The following ZNF740 variants were observed in gnomAD, a reference collection of about 807,000 sequenced individuals.
ZNF740 encodes oriLyt TD-element-binding protein 7.
A neutral mutation model predicts 24.8 loss-of-function variants in ZNF740; 14 were observed. That is an observed-to-expected ratio of 0.56 (90% CI 0.37 to 0.88). The LOEUF is 0.88. Among genes scored for constraint, ZNF740 ranks in the 40% least tolerant of loss-of-function variants. The pLI is 0.00. For missense variants in ZNF740, 201 were observed against 247.9 expected (o/e 0.81, Z 1.27); for synonymous variants, 69 against 84.0 (o/e 0.82, Z 0.98).
intron 6 of ZNF740, among the ~76,000 whole-genome samples, chr12:53,187,159 T>C (rs1383734954): frequency 6.6e-6 from 1 of 152,256 alleles, no homozygotes; most frequent in East Asian, 1.9e-4. Flanking sequence ...CTACTCTGTA[T>C]CTGCCTTGAG....
rs1276565855 is a variant in ZNF740, at chr12:53,190,297, T to G, written c.*2707T>G. On this transcript the variant is annotated 3_prime_UTR_variant, in exon 7 of 7. Coordinates refer to ENST00000416904, the MANE Select transcript of ZNF740 (RefSeq NM_001004304.4). The stretch of plus-strand genomic sequence containing the variant: ...CCTGGGCCCAATGCCCGACCCCTGC[T>G]GGCCAGCATGGGGCCTAGCACTGGA... 2 of 152,710 alleles carry G rather than the reference T, an allele frequency of 1.3e-5. No homozygotes were observed. The highest frequency in any genetic ancestry group is 1.3e-4 in the Admixed American group (2 of 15,288). The allele number at this position is 152,710 out of a possible 1,614,324, so 9.5% of individuals were successfully genotyped here.
chr12:53,181,584 G>A, intron 1 of ZNF740, 93 bp from the exon 2 acceptor site: 2 of 882,612 alleles, frequency 2.3e-6, no homozygotes, highest in South Asian at 4.3e-5. Flanking sequence ...GAGCTTCACA[G>A]AGAGCGCCCA....
chr12:53,181,652 C>A, intron 1 of ZNF740, 25 bp from the exon 2 acceptor site: 1 of 416,470 alleles, frequency 2.4e-6, no homozygotes, highest in South Asian at 4.7e-5. Context: ...CATTTAGCAG[C>A]CCCCCTCTTC....
rs765227255 is a variant in ZNF740, at chr12:53,194,216, G to A, written c.*6626G>A. 4.6e-5 allele frequency: 75 copies of A among 1,613,854 alleles called. No homozygotes were observed. Among genetic ancestry groups the A allele is most frequent in the East Asian group, 2.5e-4 (11 of 44,880 alleles). ...CTCTCACCGTCTGGTTGATTCGGAC[G>A]TGGTTGCACTGTCCTCGATCCTCAG... On this transcript the variant is annotated 3_prime_UTR_variant, in exon 7 of 7. Transcript: ENST00000416904.
Position 53,191,792 on chromosome 12 carries a change from A to G in ZNF740, c.*4202A>G. On this transcript the variant is annotated 3_prime_UTR_variant, in exon 7 of 7. Transcript: ENST00000416904. ...CCAGGGGCTGGGGGAACCCAGTGGG[A>G]GGAATCAGGGCTGGTCTTGTGGTGG... 1.3e-6 allele frequency: 2 copies of G among 1,598,772 alleles called. No homozygotes were observed. Among genetic ancestry groups the G allele is most frequent in the Non-Finnish European group, 1.7e-6 (2 of 1,167,316 alleles).
chr12:53,191,439 G>A lies in ZNF740; in HGVS notation c.*3849G>A, dbSNP rs937970313. The A allele has an allele frequency of 2.2e-5, 18 of 814,246 alleles. No individual in the cohort carries two copies. The highest frequency in any genetic ancestry group is 1.7e-4 in the African/African-American group (10 of 59,550). 50.4% of individuals were successfully genotyped at this position (814,246 alleles called of 1,614,324 possible). A position where few individuals can be genotyped will look rare whatever the true frequency, so the allele number is the denominator to read the frequency against. ...CTGAAAATGAAGTAGGGTGGTGGCCGCACCTCGCCAGTGAATTAGTCCCCT... is the reference window on the plus strand; with the variant it reads ...CTGAAAATGAAGTAGGGTGGTGGCCACACCTCGCCAGTGAATTAGTCCCCT... On this transcript the variant is annotated 3_prime_UTR_variant, in exon 7 of 7. Transcript: ENST00000416904.
chr12:53,192,702 G>C lies in ZNF740; in HGVS notation c.*5112G>C, dbSNP rs772615225. 1 of 1,613,754 alleles carries C rather than the reference G, an allele frequency of 6.2e-7. No individual in the cohort carries two copies. The highest frequency in any genetic ancestry group is 2.2e-5 in the East Asian group (1 of 44,858). On this transcript the variant is annotated 3_prime_UTR_variant, in exon 7 of 7. Transcript: ENST00000416904. The stretch of plus-strand genomic sequence containing the variant: ...ACCTGAGGCCTCACCGGTGTCTCTC[G>C]CATGGTGTCTTGCAGCCTGGGCATT...
In ZNF740 at chr12:53,191,663, G is replaced by A; in HGVS notation, c.*4073G>A. On this transcript the variant is annotated 3_prime_UTR_variant, in exon 7 of 7. Transcript: ENST00000416904. The stretch of plus-strand genomic sequence containing the variant: ...TGGAGAAAGATGTTGCAGATTATAA[G>A]CAAAAATCCCAGGATTCCTCGTCCC... 2 of 1,598,214 alleles carry A rather than the reference G, an allele frequency of 1.3e-6. No individual in the cohort carries two copies. The highest frequency in any genetic ancestry group is 1.1e-5 in the South Asian group (1 of 90,754).
In ZNF740 at chr12:53,193,689, G is replaced by A. The variant is rs777265400; in HGVS notation, c.*6099G>A. On this transcript the variant is annotated 3_prime_UTR_variant, in exon 7 of 7. Coordinates refer to ENST00000416904, the MANE Select transcript of ZNF740 (RefSeq NM_001004304.4). ...GGTTGTTGGGAGCCAGGTGGTTGAA[G>A]GGAAGAGGAGGCCCTCACCTGCATA... is the stretch of plus-strand genomic sequence containing the variant. 1.3e-6 allele frequency: 2 copies of A among 1,586,880 alleles called. No individual in the cohort carries two copies. The highest frequency in any genetic ancestry group is 1.7e-6 in the Non-Finnish European group (2 of 1,164,624).
chr12:53,192,742 C>G lies in ZNF740; in HGVS notation c.*5152C>G, dbSNP rs1446889369. 4 of 1,614,142 alleles carry G rather than the reference C, an allele frequency of 2.5e-6. No homozygotes were observed. In the Admixed American group the frequency reaches 6.7e-5, roughly 27 times the overall value. ...GCCTGGGCATTGGTCGCATAGAGCACCATAGTAGCCGTCCAAGCACTGGCA... is the reference window on the plus strand; with the variant it reads ...GCCTGGGCATTGGTCGCATAGAGCAGCATAGTAGCCGTCCAAGCACTGGCA... On this transcript the variant is annotated 3_prime_UTR_variant, in exon 7 of 7. Coordinates refer to ENST00000416904, the MANE Select transcript of ZNF740 (RefSeq NM_001004304.4).
At chr12:53,187,417 A>G (rs1404473997) in intron 6 of ZNF740, 84 bp from the exon 7 acceptor site, 3 of 1,103,808 alleles carry the variant, frequency 2.7e-6, no homozygotes, top group African/African-American at 3.1e-5. Context: ...AGAATGTGGT[A>G]TCTGCCTCCT....
Position 53,186,400 on chromosome 12 carries a change from C to T in ZNF740, c.383C>T (p.Pro128Leu). ...TGTCCACCTGGGCCAGGTGAGAAGC[C>T]ATTTGAATGCGATATATGTGATATG... Reference protein sequence around the residue: ...RHILIHTGEKPFECDICDMRF... With the variant: ...RHILIHTGEKLFECDICDMRF... The change falls in exon 6 of 7, where the codon CCA becomes CTA. Residue 128 changes from proline (P) to leucine (L), a missense_variant. Transcript: ENST00000416904. 1 of 1,577,442 alleles carries T rather than the reference C, an allele frequency of 6.3e-7. No individual in the cohort carries two copies. Among genetic ancestry groups the T allele is most frequent in the Non-Finnish European group, 8.6e-7 (1 of 1,160,738 alleles).
At position 53,194,313 on chromosome 12, in the gene ZNF740, G is replaced by C. The variant is rs748834176; in HGVS notation, c.*6723G>C. The C allele has an allele frequency of 6.2e-7, 1 of 1,614,064 alleles. No homozygotes were observed. Among genetic ancestry groups the C allele is most frequent in the Non-Finnish European group, 8.5e-7 (1 of 1,179,976 alleles). On this transcript the variant is annotated 3_prime_UTR_variant, in exon 7 of 7. Coordinates refer to ENST00000416904, the MANE Select transcript of ZNF740 (RefSeq NM_001004304.4). Reference sequence around the variant, plus strand: ...AATGTGGACCCCAGGAGGGAGTGAAGAGTGTTCAAGGGTCACGGTGGAAGA... The same window carrying C: ...AATGTGGACCCCAGGAGGGAGTGAACAGTGTTCAAGGGTCACGGTGGAAGA...
rs773996816 is a variant in ZNF740, at chr12:53,192,301, C to G, written c.*4711C>G. On this transcript the variant is annotated 3_prime_UTR_variant, in exon 7 of 7. Transcript: ENST00000416904. The stretch of plus-strand genomic sequence containing the variant: ...GTTGAGACCCTGCCCATCAAACTTC[C>G]AGGGTTTGTGGCATCCCTGCCCACT... 17 of 1,609,906 alleles carry G rather than the reference C, an allele frequency of 1.1e-5. No homozygotes were observed. The Admixed American group carries it at 2.7e-4, about 25-fold the overall frequency.
At chr12:53,182,220 G>C in intron 2 of ZNF740, 1 of 584,730 alleles carries the variant, frequency 1.7e-6, no homozygotes, top group Non-Finnish European at 3.0e-6. Context: ...AGGCACTGAT[G>C]GGACATTTGC....
intron 2 of ZNF740, among the ~76,000 whole-genome samples, chr12:53,184,422 G>A (rs867781559): frequency 1.3e-5 from 2 of 152,004 alleles, no homozygotes; most frequent in African/African-American, 2.4e-5. Flanking sequence ...TCCTGACTTC[G>A]TGATCCGCCC....
chr12:53,194,180 G>A lies in ZNF740; in HGVS notation c.*6590G>A, dbSNP rs1942075099. Reference sequence around the variant, plus strand: ...ACCTCCCCCTGCCCGCCTTCTGCCTGTGCTTGCTGGCTCTCACCGTCTGGT... The same window carrying A: ...ACCTCCCCCTGCCCGCCTTCTGCCTATGCTTGCTGGCTCTCACCGTCTGGT... On this transcript the variant is annotated 3_prime_UTR_variant, in exon 7 of 7. Transcript: ENST00000416904. 1.2e-6 allele frequency: 2 copies of A among 1,613,904 alleles called. No individual in the cohort carries two copies. Among genetic ancestry groups the A allele is most frequent in the Middle Eastern group, 1.6e-4 (1 of 6,062 alleles).
chr12:53,184,115 G>GTGTGTGTGTT (rs1941764192), intron 2 of ZNF740, among the ~76,000 whole-genome samples: 1 of 31,894 alleles, frequency 3.1e-5, no homozygotes, highest in African/African-American at 8.9e-5. Context: ...AAGCTAAGGG[G>GTGTGTGTGTT]TGTGTGTGTG....
In ZNF740 at chr12:53,193,584, C is replaced by CT. The variant is rs374740581; in HGVS notation, c.*5995dup. On this transcript the variant is annotated 3_prime_UTR_variant, in exon 7 of 7. Transcript: ENST00000416904. Reference sequence around the variant, plus strand: ...ACATGGGAAGCTTCAAGGGATGAAACTGAGTGGGGAGTCGGGATGTCGAGG... The same window carrying CT: ...ACATGGGAAGCTTCAAGGGATGAAACTTGAGTGGGGAGTCGGGATGTCGAGG... The CT allele has an allele frequency of 8.4e-5, 76 of 908,594 alleles. No homozygotes were observed. The highest frequency in any genetic ancestry group is 1.2e-4 in the Non-Finnish European group (70 of 605,312). 56.3% of individuals were successfully genotyped at this position (908,594 alleles called of 1,614,324 possible).
Sources: allele counts gnomAD v4.1 joint callset (sites outside exome capture counted in the v4.1 genomes callset), GRCh38; gene constraint gnomAD v4.1.1; transcripts MANE v1.5; gene names NCBI Gene and HGNC (gene_info 2026-07-23, HGNC 2026-07-21).